ALG9: variants seen among roughly 807,000 people sequenced by gnomAD.
ALG9 encodes the protein ALG9 alpha-1,2-mannosyltransferase.
ALG9 carries 55 observed loss-of-function variants against 81.8 expected under a neutral mutation model. The observed-to-expected ratio is 0.67, with a 90% CI of 0.54 to 0.84. The LOEUF is 0.84. Among genes scored for constraint, ALG9 ranks in the 40% least tolerant of loss-of-function variants. The pLI is 0.00. For missense variants in ALG9, 629 were observed against 745.0 expected (o/e 0.84, Z 1.81); for synonymous variants, 278 against 274.3 (o/e 1.01, Z -0.13).
chr11:111,811,381 A>G (rs556398645), intron 13 of ALG9, among the ~76,000 whole-genome samples: 4 of 152,062 alleles, frequency 2.6e-5, no homozygotes, highest in Non-Finnish European at 5.9e-5. Context: ...CATCTCTACT[A>G]AAAATACAGA....
rs188040585 is a variant in ALG9, at chr11:111,785,008, T to C, written c.*1389A>G. On this transcript the variant is annotated 3_prime_UTR_variant, in exon 15 of 15. Transcript: ENST00000616540. ...AAGAACTCAAATACAGACACAATTC[T>C]TCCTTAAAATAGAAAGTTACAATAT... The C allele has an allele frequency of 6.5e-5, 10 of 152,764 alleles. No individual in the cohort carries two copies. The allele number at this position is 152,764 out of a possible 1,614,324, so 9.5% of individuals were successfully genotyped here.
intron 13 of ALG9, among the ~76,000 whole-genome samples, chr11:111,820,908 C>T (rs1952225640): frequency 7.6e-6 from 1 of 131,842 alleles, no homozygotes; most frequent in Admixed American, 8.3e-5. Flanking sequence ...GACCCTGTCT[C>T]CAAACACGCG....
rs1288520257 is a variant in ALG9 at position 111,788,170 on chromosome 11, C to T, written c.1734-1650G>A. On this transcript the variant is annotated intron_variant, in intron 14 of 14. Coordinates refer to ENST00000616540, the MANE Select transcript of ALG9 (RefSeq NM_024740.2). Reference sequence around the variant, plus strand: ...TTCCAAATTCTAAACTTGTAAATGTCATGTCAACGTGGCATTTGTACTGGC... The same window carrying T: ...TTCCAAATTCTAAACTTGTAAATGTTATGTCAACGTGGCATTTGTACTGGC... Among the ~76,000 whole-genome samples, 6 of 152,308 alleles carry T rather than the reference C, an allele frequency of 3.9e-5. No homozygotes were observed. The East Asian group carries it at 9.6e-4, about 24-fold the overall frequency.
chr11:111,844,087 C>T (rs1335004571), intron 9 of ALG9, among the ~76,000 whole-genome samples: 1 of 152,152 alleles, frequency 6.6e-6, no homozygotes, highest in Non-Finnish European at 1.5e-5. Flanking sequence ...TCACTACAAC[C>T]TCTGCCTCCT....
At chr11:111,833,398 T>C (rs1954712869) in intron 13 of ALG9, among the ~76,000 whole-genome samples, 1 of 152,078 alleles carries the variant, frequency 6.6e-6, no homozygotes. Flanking sequence ...CATGAAAAAA[T>C]ATGCAGCAAA....
At chr11:111,842,709 C>A (rs1956409324) in intron 9 of ALG9, among the ~76,000 whole-genome samples, 1 of 152,074 alleles carries the variant, frequency 6.6e-6, no homozygotes, top group South Asian at 2.1e-4. Context: ...TAGGCATGAG[C>A]CACTGTGCCT....
intron 14 of ALG9, among the ~76,000 whole-genome samples, chr11:111,791,997 C>G (rs548536589): frequency 6.6e-6 from 1 of 152,196 alleles, no homozygotes; most frequent in African/African-American, 2.4e-5. Flanking sequence ...GCAGGAGAAT[C>G]GGTTGAACCC....
At chr11:111,776,746 A>G in the ALG9 span, among the ~76,000 whole-genome samples, 1 of 152,214 alleles carries the variant, frequency 6.6e-6, no homozygotes, top group African/African-American at 2.4e-5. Context: ...TATATCTGGC[A>G]GAGCTGACCT....
At chr11:111,837,943 AAT>A (rs1267495350) in intron 11 of ALG9, among the ~76,000 whole-genome samples, 5 of 152,230 alleles carry the variant, frequency 3.3e-5, no homozygotes, top group African/African-American at 9.6e-5. Flanking sequence ...ATAATCATGA[AAT>A]GTTAGCCCAA....
At chr11:111,838,445 C>A (rs782169214) in intron 10 of ALG9, 46 bp from the exon 11 acceptor site, 16 of 1,532,274 alleles carry the variant, frequency 1.0e-5, no homozygotes, top group Non-Finnish European at 1.4e-5. Flanking sequence ...AATTACAAGA[C>A]ATCACAGTAA....
chr11:111,836,718 A>G (rs1282943362), intron 12 of ALG9: 8 of 209,514 alleles, frequency 3.8e-5, no homozygotes, highest in Admixed American at 3.7e-4. Context: ...ACCCTCAAAC[A>G]TATCTTTATC....
chr11:111,871,381 T>C lies in ALG9; in HGVS notation c.102A>G (p.Arg34=), dbSNP rs1555158792. Residue 34 remains arginine (R), a synonymous_variant, in exon 1 of 15, where the codon CGA becomes CGG. Transcript: ENST00000616540. Reference sequence around the variant, plus strand: ...TCCGGTGCTCCGCGCCGCCCGCCTCTCGGCTGCCCAGCAGCTCCCGCAGCT... The same window carrying C: ...TCCGGTGCTCCGCGCCGCCCGCCTCCCGGCTGCCCAGCAGCTCCCGCAGCT... ...ADKLRELLGS[R]EAGGAEHRTE... is the part of the protein sequence containing the mutation. 2.6e-6 allele frequency: 4 copies of C among 1,533,290 alleles called. No individual in the cohort carries two copies. The East Asian group carries it at 9.8e-5, about 38-fold the overall frequency. The allele number at this position is 1,533,290 out of a possible 1,614,324, so 95.0% of individuals were successfully genotyped here.
At chr11:111,773,277 C>T in the ALG9 span, among the ~76,000 whole-genome samples, 2 of 151,940 alleles carry the variant, frequency 1.3e-5, no homozygotes, top group South Asian at 2.1e-4. Context: ...CTGAGTCTTG[C>T]TTTGTTGCCC....
At chr11:111,845,469 G>A (rs1017309298) in intron 8 of ALG9, 5 of 152,094 alleles carry the variant, frequency 3.3e-5, no homozygotes, top group African/African-American at 1.2e-4. Flanking sequence ...GCAACAACCC[G>A]TTTTTCTTAG....
chr11:111,772,053 A>C, the ALG9 span, among the ~76,000 whole-genome samples: 1 of 152,212 alleles, frequency 6.6e-6, no homozygotes, highest in Non-Finnish European at 1.5e-5. Flanking sequence ...TCTACAGCTC[A>C]TCACCACATA....
chr11:111,777,013 C>G, the ALG9 span, among the ~76,000 whole-genome samples: 1 of 152,190 alleles, frequency 6.6e-6, no homozygotes, highest in African/African-American at 2.4e-5. Context: ...TTTTGAGTTG[C>G]TTTTGGCACT....
chr11:111,864,837 G>A (rs185545082), intron 4 of ALG9, among the ~76,000 whole-genome samples: 2 of 152,048 alleles, frequency 1.3e-5, no homozygotes, highest in Admixed American at 1.3e-4. Context: ...GAGTGCAATG[G>A]CACAATCTCA....
intron 4 of ALG9, chr11:111,864,216 C>G: frequency 1.4e-6 from 1 of 717,978 alleles, no homozygotes. Flanking sequence ...GACCCACGAC[C>G]CACCAACCCA....
chr11:111,782,385 G>A lies in ALG9; in HGVS notation c.*4012C>T, dbSNP rs1555057455. On this transcript the variant is annotated 3_prime_UTR_variant, in exon 15 of 15. Coordinates refer to ENST00000616540, the MANE Select transcript of ALG9 (RefSeq NM_024740.2). ...CACCTGGTTATACAGACTGGCAGAA[G>A]GCAACATTCAGATTTACAGATACAC... The A allele has an allele frequency of 6.6e-6, 1 of 152,546 alleles. No homozygotes were observed. Among genetic ancestry groups the A allele is most frequent in the African/African-American group, 2.4e-5 (1 of 41,410 alleles). 9.4% of individuals were successfully genotyped at this position (152,546 alleles called of 1,614,324 possible).
Sources: gnomAD v4.1 joint callset for allele counts (sites outside exome capture counted in the v4.1 genomes callset) on GRCh38, gnomAD v4.1.1 for gene constraint, MANE v1.5 for transcripts, NCBI Gene and HGNC (gene_info 2026-07-23, HGNC 2026-07-21) for gene names.